The following PTPRT variants were observed in gnomAD, a reference collection of about 807,000 sequenced individuals.
PTPRT encodes the protein receptor-type tyrosine-protein phosphatase T.
Under a neutral mutation model 176.8 loss-of-function variants are expected in PTPRT, and 56 were observed. That is an observed-to-expected ratio of 0.32 (90% confidence interval 0.26 to 0.40). The LOEUF is 0.40. Among genes scored for constraint, PTPRT ranks in the 10% least tolerant of loss-of-function variants. The probability of loss-of-function intolerance (pLI) is 1.00; values close to 1 mark genes in which losing one functional copy is unlikely to be tolerated. For synonymous variants in PTPRT, 783 were observed against 739.0 expected, an observed-to-expected ratio of 1.06 and a Z score of -0.96; for missense variants, 1,540 against 1,908.2, an observed-to-expected ratio of 0.81 and a Z score of 3.60.
intron 1 of PTPRT, among the ~76,000 whole-genome samples, chr20:43,155,910 T>C (rs1427436196): frequency 2.0e-5 from 3 of 152,176 alleles, no homozygotes; most frequent in African/African-American, 7.2e-5. Flanking sequence ...CCACAAGACT[T>C]CCACATATGT....
intron 1 of PTPRT, among the ~76,000 whole-genome samples, chr20:43,145,779 T>C (rs1311176894): frequency 6.6e-6 from 1 of 152,242 alleles, no homozygotes; most frequent in Non-Finnish European, 1.5e-5. Flanking sequence ...TCGTCCATTT[T>C]ACAATGTGTC....
At chr20:42,037,538 C>A in the PTPRT span, among the ~76,000 whole-genome samples, 2 of 152,188 alleles carry the variant, frequency 1.3e-5, no homozygotes, top group Non-Finnish European at 2.9e-5. Flanking sequence ...GAGCAACACC[C>A]AGTGGCACCC....
intron 6 of PTPRT, among the ~76,000 whole-genome samples, chr20:42,750,031 A>G (rs6103030): frequency 0.015 from 2,240 of 152,314 alleles, 52 homozygotes; most frequent in African/African-American, 0.051. Flanking sequence ...AAACTTAAAA[A>G]GGAAAGAGAA....
intron 1 of PTPRT, among the ~76,000 whole-genome samples, chr20:43,117,873 T>C (rs2013116690): frequency 6.6e-6 from 1 of 152,170 alleles, no homozygotes; most frequent in Non-Finnish European, 1.5e-5. Context: ...GATTGGTGTG[T>C]CAATCAAAGT....
intron 17 of PTPRT, among the ~76,000 whole-genome samples, chr20:42,149,281 G>A (rs1046928848): frequency 8.5e-5 from 13 of 152,190 alleles, no homozygotes; most frequent in Non-Finnish European, 1.0e-4. Context: ...AGAAAGGGAG[G>A]CTCTCCAGAG....
chr20:42,348,951 A>C (rs6102792), intron 11 of PTPRT, among the ~76,000 whole-genome samples: 1 of 152,170 alleles, frequency 6.6e-6, no homozygotes, highest in Non-Finnish European at 1.5e-5. Context: ...CAAAACCAAG[A>C]GTATAGAGAT....
rs1217970791 is a variant in PTPRT at position 42,110,458 on chromosome 20, G to A, written c.3129C>T (p.Arg1043=). 1 of 1,610,694 alleles carries A rather than the reference G, an allele frequency of 6.2e-7. No homozygotes were observed. The highest frequency in any genetic ancestry group is 8.5e-7 in the Non-Finnish European group (1 of 1,177,688). The change falls in exon 23 of 31, where the codon CGC becomes CGT. Residue 1043 remains arginine (R), a synonymous_variant. Transcript: ENST00000373187. ...CAGGCCAGCTGGTGAAGTGGAAGAG[G>A]CGGAGCTCCCGGATCTCATGGTAGC... The part of the protein sequence containing the change: ...KKGYHEIREL[R]LFHFTSWPDH...
rs566520587 is a variant in PTPRT, at chr20:42,484,605, T to C, written c.1154-12043A>G. ...CTGGGCCCCTTCAAGTAGTCATTTG[T>C]AGCGTGTCTGACAGATGATGCTGTG... On this transcript the variant is annotated intron_variant, in intron 7 of 30. Coordinates refer to ENST00000373187, the MANE Select transcript of PTPRT (RefSeq NM_007050.6). Among the ~76,000 whole-genome samples the C allele has an allele frequency of 4.6e-5, 7 of 152,330 alleles. No homozygotes were observed. In the South Asian group the frequency reaches 1.5e-3, roughly 32 times the overall value.
chr20:42,068,164 C>A (rs1322452965), downstream of PTPRT, among the ~76,000 whole-genome samples: 1 of 152,166 alleles, frequency 6.6e-6, no homozygotes, highest in African/African-American at 2.4e-5. Context: ...AGCACACTCA[C>A]AAGTGCTAAG....
At chr20:42,209,412 A>G (rs1600679544) in intron 15 of PTPRT, among the ~76,000 whole-genome samples, 1 of 152,088 alleles carries the variant, frequency 6.6e-6, no homozygotes, top group African/African-American at 2.4e-5. Context: ...AGACTAATAA[A>G]GAAAAAAAGA....
chr20:42,823,911 A>G (rs555181413), intron 2 of PTPRT, among the ~76,000 whole-genome samples: 3 of 149,552 alleles, frequency 2.0e-5, no homozygotes. Context: ...AGTACTGATT[A>G]AAAAAAAAAG....
intron 1 of PTPRT, chr20:42,969,623 C>G (rs982620694): frequency 1.3e-5 from 2 of 152,170 alleles, no homozygotes; most frequent in South Asian, 4.1e-4. Context: ...TTTAAGAATT[C>G]TGAATCCTCA....
intron 7 of PTPRT, among the ~76,000 whole-genome samples, chr20:42,604,586 T>C (rs1053579111): frequency 6.6e-6 from 1 of 152,232 alleles, no homozygotes; most frequent in South Asian, 2.1e-4. Flanking sequence ...GAGAAGAACA[T>C]GCTAGGAAGA....
chr20:42,465,495 T>G (rs768277210), intron 8 of PTPRT, among the ~76,000 whole-genome samples: 25 of 152,146 alleles, frequency 1.6e-4, no homozygotes, highest in Non-Finnish European at 3.4e-4. Flanking sequence ...AAAGAGCAAA[T>G]TCTGTAGTAA....
intron 11 of PTPRT, among the ~76,000 whole-genome samples, chr20:42,332,100 T>A (rs1421299323): frequency 1.3e-5 from 2 of 152,164 alleles, no homozygotes; most frequent in Admixed American, 1.3e-4. Context: ...TTTTATTAAA[T>A]CTCAACCCTT....
chr20:42,569,284 T>C lies in PTPRT; in HGVS notation c.1154-96722A>G, dbSNP rs113820597. On this transcript the variant is annotated intron_variant, in intron 7 of 30. Coordinates refer to ENST00000373187, the MANE Select transcript of PTPRT (RefSeq NM_007050.6). ...GTGAGTAAATACTTCACTATGAAAT[T>C]AGATGCTCAATGTCTCCTTTCCCAA... Among the ~76,000 whole-genome samples the C allele has an allele frequency of 3.8e-3, 569 of 151,492 alleles. 3 individuals carry two copies. The highest frequency in any genetic ancestry group is 0.013 in the African/African-American group (548 of 41,304).
chr20:42,627,137 G>GCC (rs1569030071), intron 7 of PTPRT, among the ~76,000 whole-genome samples: 2 of 151,836 alleles, frequency 1.3e-5, no homozygotes, highest in African/African-American at 4.8e-5. Flanking sequence ...CAGATTTTTG[G>GCC]TACGATTTTA....
intron 7 of PTPRT, among the ~76,000 whole-genome samples, chr20:42,583,721 T>G (rs938278571): frequency 2.0e-5 from 3 of 152,230 alleles, no homozygotes; most frequent in Non-Finnish European, 4.4e-5. Flanking sequence ...AATATTCTAT[T>G]ATGTAAATGT....
intron 6 of PTPRT, among the ~76,000 whole-genome samples, chr20:42,689,360 C>T (rs539996069): frequency 2.0e-5 from 3 of 152,318 alleles, no homozygotes; most frequent in African/African-American, 7.2e-5. Flanking sequence ...GGCGGCCCAA[C>T]TCCAGGGGAA....
Sources: allele counts gnomAD v4.1 joint callset (sites outside exome capture counted in the v4.1 genomes callset), GRCh38; gene constraint gnomAD v4.1.1; transcripts MANE v1.5; gene names NCBI Gene and HGNC (gene_info 2026-07-23, HGNC 2026-07-21).